LGR6: variants seen among roughly 807,000 people sequenced by gnomAD.
LGR6 encodes the protein leucine rich repeat containing G protein-coupled receptor 6, also known as leucine-rich repeat-containing G protein-coupled receptor 6.
In LGR6, 45 loss-of-function variants were observed where a neutral mutation model predicts 69.4. The observed-to-expected ratio is 0.65, with a 90% CI of 0.51 to 0.83. The LOEUF is 0.83. Among genes scored for constraint, LGR6 ranks in the 40% least tolerant of loss-of-function variants. The pLI is 0.00. For missense variants in LGR6, 1,108 were observed against 1,246.7 expected (o/e 0.89, Z 1.68); for synonymous variants, 538 against 555.0 (o/e 0.97, Z 0.43).
chr1:202,205,962 G>C (rs113746759), intron 1 of LGR6, among the ~76,000 whole-genome samples: 31 of 82,112 alleles, frequency 3.8e-4, no homozygotes, highest in South Asian at 1.8e-3. Context: ...CACACACACA[G>C]ACACACAACA....
intron 2 of LGR6, among the ~76,000 whole-genome samples, chr1:202,227,428 C>T (rs996112708): frequency 2.6e-5 from 4 of 152,170 alleles, no homozygotes; most frequent in Non-Finnish European, 5.9e-5. Context: ...ATGAATTACA[C>T]CACCCCATTT....
chr1:202,318,185 CA>C lies in LGR6; in HGVS notation c.1883del (p.Gln628ArgfsTer13). ...LASVDALTFG[Q>X]FSEYGARWET... ...CTCAGTCGATGCCCTGACCTTTGGT[CA>C]GTTCTCTGAGTACGGAGCCCGCTGG... On this transcript the variant is annotated frameshift_variant, in exon 18 of 18. Transcript: ENST00000367278. LOFTEE classifies it low-confidence loss of function (END_TRUNC). The C allele has an allele frequency of 6.2e-7, 1 of 1,613,522 alleles. No homozygotes were observed. Among genetic ancestry groups the C allele is most frequent in the Non-Finnish European group, 8.5e-7 (1 of 1,179,986 alleles).
In LGR6 at chr1:202,227,923, C is replaced by G; in HGVS notation, c.285-13C>G. 1 of 1,609,400 alleles carries G rather than the reference C, an allele frequency of 6.2e-7. No individual in the cohort carries two copies. Among genetic ancestry groups the G allele is most frequent in the South Asian group, 1.1e-5 (1 of 90,998 alleles). Reference sequence around the variant, plus strand: ...ACCTGCCAACATCGCTGACCCTTGTCTCTGATTTCCAGGCGTCTCTCTGGG... The same window carrying G: ...ACCTGCCAACATCGCTGACCCTTGTGTCTGATTTCCAGGCGTCTCTCTGGG... On this transcript the variant is annotated splice_polypyrimidine_tract_variant and intron_variant, in intron 2 of 17. Transcript: ENST00000367278.
In LGR6 at chr1:202,225,405, C is replaced by T. The variant is rs377099704; in HGVS notation, c.213-18C>T. On this transcript the variant is annotated intron_variant, in intron 1 of 17. Transcript: ENST00000367278. ...AGTGGGGAGTTCACAGCTCCTTTTTCCATCTTCTCTCCACCAGGGACCTCA... is the reference window on the plus strand; with the variant it reads ...AGTGGGGAGTTCACAGCTCCTTTTTTCATCTTCTCTCCACCAGGGACCTCA... 9.3e-6 allele frequency: 15 copies of T among 1,612,450 alleles called. No homozygotes were observed. In the African/African-American group the frequency reaches 2.0e-4, roughly 22 times the overall value.
At chr1:202,194,960 G>A (rs1658584707) in intron 1 of LGR6, among the ~76,000 whole-genome samples, 1 of 152,218 alleles carries the variant, frequency 6.6e-6, no homozygotes, top group African/African-American at 2.4e-5. Context: ...ACTGGGGGCA[G>A]CTGTCCTGTC....
At chr1:202,232,229 C>T (rs1232497329) in intron 3 of LGR6, among the ~76,000 whole-genome samples, 1 of 152,142 alleles carries the variant, frequency 6.6e-6, no homozygotes, top group Non-Finnish European at 1.5e-5. Context: ...CCCATAACCC[C>T]CAAGCACTTC....
At chr1:202,266,300 C>T (rs1344422307) in intron 4 of LGR6, among the ~76,000 whole-genome samples, 1 of 152,004 alleles carries the variant, frequency 6.6e-6, no homozygotes, top group African/African-American at 2.4e-5. Context: ...AAGAATTTGT[C>T]CAAAGAATGT....
intron 10 of LGR6, among the ~76,000 whole-genome samples, chr1:202,303,641 A>C (rs539626936): frequency 6.6e-6 from 1 of 152,328 alleles, no homozygotes; most frequent in East Asian, 1.9e-4. Context: ...CTGAGGGTTG[A>C]AGTGATGGAG....
chr1:202,222,678 G>A (rs370182604), intron 1 of LGR6, among the ~76,000 whole-genome samples: 19 of 152,316 alleles, frequency 1.2e-4, no homozygotes, highest in African/African-American at 4.6e-4. Context: ...CAGCTTCTGC[G>A]CTTGGGTTTC....
intron 4 of LGR6, among the ~76,000 whole-genome samples, chr1:202,241,662 TG>T (rs1571876923): frequency 1.2e-5 from 1 of 80,044 alleles, no homozygotes; most frequent in South Asian, 4.1e-4. Context: ...AGAAACTGGG[TG>T]GGGGTGAGGC....
chr1:202,285,906 C>T (rs561537560), intron 6 of LGR6, among the ~76,000 whole-genome samples: 8 of 152,328 alleles, frequency 5.3e-5, no homozygotes, highest in East Asian at 1.9e-4. Context: ...GGGTTTGAGG[C>T]GGAATCTATT....
chr1:202,240,067 G>C (rs1355163968), intron 4 of LGR6, among the ~76,000 whole-genome samples: 1 of 152,050 alleles, frequency 6.6e-6, no homozygotes, highest in Admixed American at 6.6e-5. Flanking sequence ...CTGGCACGTG[G>C]TAAGAGCTTA....
intron 1 of LGR6, among the ~76,000 whole-genome samples, chr1:202,206,851 G>A (rs902564551): frequency 6.6e-6 from 1 of 151,364 alleles, no homozygotes; most frequent in African/African-American, 2.4e-5. Flanking sequence ...ATTACAAGGG[G>A]CCCCACATTT....
chr1:202,239,332 TTGTGTGTGTGTGGTGTGTGTGTGTG>T (rs1300365752), intron 4 of LGR6, among the ~76,000 whole-genome samples: 4 of 139,740 alleles, frequency 2.9e-5, no homozygotes, highest in African/African-American at 1.1e-4. Context: ...CTGGCTGAAC[TTGTGTGTGTGTGGTGTGTGTGTGTG>T]TGTGTGTGTG....
At chr1:202,204,012 G>A in intron 1 of LGR6, 1 of 680,948 alleles carries the variant, frequency 1.5e-6, no homozygotes, top group Non-Finnish European at 2.7e-6. Flanking sequence ...CCATCTGTCT[G>A]TATGTTTGTC....
At chr1:202,308,839 A>AT (rs1653479327) in intron 14 of LGR6, among the ~76,000 whole-genome samples, 1 of 152,208 alleles carries the variant, frequency 6.6e-6, no homozygotes, top group Non-Finnish European at 1.5e-5. Context: ...GAATGAGCAA[A>AT]TAAAAGAATG....
intron 4 of LGR6, among the ~76,000 whole-genome samples, chr1:202,254,857 A>G (rs1012809491): frequency 6.6e-6 from 1 of 151,696 alleles, no homozygotes; most frequent in Non-Finnish European, 1.5e-5. Context: ...CAGGAGTTGA[A>G]GATCAGCTGG....
At chr1:202,305,541 C>A in intron 11 of LGR6, 143 bp from the exon 12 acceptor site, 1 of 696,096 alleles carries the variant, frequency 1.4e-6, no homozygotes, top group Non-Finnish European at 2.6e-6. Flanking sequence ...TGTGAGATGC[C>A]TCAACAGCCA....
rs1653276589 is a variant in LGR6 at position 202,307,001 on chromosome 1, C to T, written c.1208+62C>T. 4 of 1,387,434 alleles carry T rather than the reference C, an allele frequency of 2.9e-6. No individual in the cohort carries two copies. The South Asian group carries it at 4.6e-5, about 16-fold the overall frequency. 85.9% of individuals were successfully genotyped at this position (1,387,434 alleles called of 1,614,324 possible). The stretch of plus-strand genomic sequence containing the variant: ...CCACCGTGTCCCTCTGCTAGGCATG[C>T]TCATTGTCATAGCACATGTGTACAA... On this transcript the variant is annotated intron_variant, in intron 13 of 17. Transcript: ENST00000367278.
Sources: gnomAD v4.1 joint callset for allele counts (sites outside exome capture counted in the v4.1 genomes callset) on GRCh38, gnomAD v4.1.1 for gene constraint, MANE v1.5 for transcripts, NCBI Gene and HGNC (gene_info 2026-07-23, HGNC 2026-07-21) for gene names.